PRKAR1B: variants seen among roughly 807,000 people sequenced by gnomAD.
PRKAR1B encodes the protein cAMP-dependent protein kinase type I-beta regulatory subunit.
A neutral mutation model predicts 46.5 loss-of-function variants in PRKAR1B; 22 were observed. That is an observed-to-expected ratio of 0.47 (90% CI 0.34 to 0.68). The LOEUF (loss-of-function observed/expected upper bound fraction) is 0.68, where lower values mean the gene tolerates loss of function less well. Among genes scored for constraint, PRKAR1B ranks in the 30% least tolerant of loss-of-function variants. PRKAR1B has a pLI of 0.01. For missense variants in PRKAR1B, 445 were observed against 535.6 expected, an observed-to-expected ratio of 0.83 and a Z score of 1.67; for synonymous variants, 259 against 217.7, an observed-to-expected ratio of 1.19 and a Z score of -1.67.
chr7:622,923 G>A (rs989700906), intron 4 of PRKAR1B, among the ~76,000 whole-genome samples: 1 of 152,194 alleles, frequency 6.6e-6, no homozygotes, highest in Non-Finnish European at 1.5e-5. Flanking sequence ...TAGACATGCT[G>A]CCCTCGCTGG....
intron 2 of PRKAR1B, among the ~76,000 whole-genome samples, chr7:707,927 CAG>C (rs1780418557): frequency 6.7e-6 from 1 of 150,362 alleles, no homozygotes; most frequent in African/African-American, 2.5e-5. Context: ...GGGGGAGACA[CAG>C]AACCTTCTCC....
At chr7:588,873 G>A (rs1194225701) in intron 7 of PRKAR1B, among the ~76,000 whole-genome samples, 1 of 41,804 alleles carries the variant, frequency 2.4e-5, no homozygotes, top group Non-Finnish European at 4.6e-5. Context: ...GGTGATGTTG[G>A]TGAGGATAGT....
At chr7:711,969 G>T (rs978490223) in intron 1 of PRKAR1B, among the ~76,000 whole-genome samples, 4 of 151,922 alleles carry the variant, frequency 2.6e-5, no homozygotes, top group African/African-American at 4.8e-5. Flanking sequence ...CCTCAGGGGA[G>T]GGGGAGATGA....
intron 1 of PRKAR1B, among the ~76,000 whole-genome samples, chr7:712,167 C>T (rs1036280274): frequency 5.3e-5 from 8 of 150,688 alleles, no homozygotes; most frequent in Non-Finnish European, 8.9e-5. Context: ...CAGCCCCCCG[C>T]CACGCCGCCC....
At chr7:654,645 T>C (rs887829115) in intron 4 of PRKAR1B, among the ~76,000 whole-genome samples, 8 of 151,284 alleles carry the variant, frequency 5.3e-5, no homozygotes, top group African/African-American at 1.5e-4. Flanking sequence ...ATCACCATCA[T>C]TGCCATTTTC....
intron 4 of PRKAR1B, among the ~76,000 whole-genome samples, chr7:611,428 A>G (rs761235148): frequency 5.7e-4 from 87 of 152,330 alleles, no homozygotes; most frequent in Non-Finnish European, 9.7e-4. Context: ...CTGGGTCAGG[A>G]CAGTTTCCAG....
intron 1 of PRKAR1B, among the ~76,000 whole-genome samples, chr7:718,332 A>G (rs866551022): frequency 3.9e-4 from 58 of 147,860 alleles, no homozygotes; most frequent in Middle Eastern, 3.6e-3. Context: ...GTATGTATGT[A>G]TATATATATA....
intron 4 of PRKAR1B, among the ~76,000 whole-genome samples, chr7:673,593 G>A (rs1052696106): frequency 6.6e-6 from 1 of 151,034 alleles, no homozygotes; most frequent in Non-Finnish European, 1.5e-5. Flanking sequence ...AGCTTGCAGT[G>A]AGCCGAGATC....
chr7:700,120 T>C (rs1481979236), intron 2 of PRKAR1B, among the ~76,000 whole-genome samples: 1 of 151,734 alleles, frequency 6.6e-6, no homozygotes, highest in Non-Finnish European at 1.5e-5. Context: ...CTGATACGAG[T>C]GTGAGGTTCA....
intron 2 of PRKAR1B, among the ~76,000 whole-genome samples, chr7:705,887 G>A (rs936532227): frequency 7.9e-5 from 12 of 152,050 alleles, no homozygotes; most frequent in Non-Finnish European, 1.3e-4. Flanking sequence ...TTAGCCGGGC[G>A]TGGTGGCAGG....
At chr7:695,105 G>T (rs1692450100) in intron 2 of PRKAR1B, among the ~76,000 whole-genome samples, 1 of 151,996 alleles carries the variant, frequency 6.6e-6, no homozygotes, top group Non-Finnish European at 1.5e-5. Context: ...AGTCGGGACA[G>T]AAGTCGGAGC....
chr7:727,505 C>T (rs1781384865), upstream of PRKAR1B: 2 of 307,164 alleles, frequency 6.5e-6, no homozygotes, highest in East Asian at 5.1e-5. Context: ...CCGGCCCCCT[C>T]CTCCCACCAC....
At chr7:578,645 G>A (rs186177719) in intron 9 of PRKAR1B, among the ~76,000 whole-genome samples, 92 of 150,874 alleles carry the variant, frequency 6.1e-4, no homozygotes, top group African/African-American at 1.4e-3. Flanking sequence ...ACCCTCGCAC[G>A]CCCTGTGTGC....
In PRKAR1B at chr7:671,490, G is replaced by A. The variant is rs187260340; in HGVS notation, c.440+5739C>T. ...TGCTTTTGTTTTCAGACAGGATCTC[G>A]CTCTGTTGCCCAGGCTAGAGTGTAG... On this transcript the variant is annotated intron_variant, in intron 4 of 10. Transcript: ENST00000537384. Among the ~76,000 whole-genome samples, 11 of 152,200 alleles carry A rather than the reference G, an allele frequency of 7.2e-5. 1 individual carries two copies. The East Asian group carries it at 9.7e-4, about 13-fold the overall frequency.
intron 4 of PRKAR1B, among the ~76,000 whole-genome samples, chr7:673,045 T>TGAAAAAAAACAAAA (rs1786354482): frequency 3.8e-5 from 1 of 26,544 alleles, no homozygotes. Flanking sequence ...GCCTTGTCTT[T>TGAAAAAAAACAAAA]AAAAAAAAAA....
At chr7:592,293 G>A (rs890490824) in intron 7 of PRKAR1B, among the ~76,000 whole-genome samples, 1 of 152,240 alleles carries the variant, frequency 6.6e-6, no homozygotes, top group Non-Finnish European at 1.5e-5. Context: ...GAGGCTCGGG[G>A]ACCCTCCGTG....
intron 4 of PRKAR1B, among the ~76,000 whole-genome samples, chr7:617,311 T>C (rs1782882504): frequency 6.6e-6 from 1 of 150,966 alleles, no homozygotes; most frequent in Non-Finnish European, 1.5e-5. Flanking sequence ...TTTTTTTTTT[T>C]TTTTTTTTAA....
intron 4 of PRKAR1B, among the ~76,000 whole-genome samples, chr7:658,708 T>C (rs1257445155): frequency 6.6e-6 from 1 of 152,156 alleles, no homozygotes; most frequent in African/African-American, 2.4e-5. Flanking sequence ...TGGAGTGCAG[T>C]GGTGCATTCT....
In PRKAR1B at chr7:550,516, G is replaced by C; in HGVS notation, c.1060C>G (p.Arg354Gly). The change falls in exon 11 of 11, where the codon CGC (arginine) becomes GGC (glycine). Residue 354 changes from arginine to glycine, a missense_variant. Physicochemically the swap from Arg to Gly is moderately radical, Grantham distance 125. Coordinates refer to ENST00000537384, the MANE Select transcript of PRKAR1B (RefSeq NM_001164760.2). ...PLKCVKLDRP[R>G]FERVLGPCSE... ...CAGGGCCCCAGCACACGCTCGAAGC[G>C]GGGCCGGTCCAGCTTCACACACTTG... is the stretch of plus-strand genomic sequence containing the variant. 6.2e-7 allele frequency: 1 copy of C among 1,603,894 alleles called. No homozygotes were observed. Among genetic ancestry groups the C allele is most frequent in the Non-Finnish European group, 8.5e-7 (1 of 1,175,918 alleles).
Sources: allele counts gnomAD v4.1 joint callset (sites outside exome capture counted in the v4.1 genomes callset), GRCh38; gene constraint gnomAD v4.1.1; transcripts MANE v1.5; gene names NCBI Gene and HGNC (gene_info 2026-07-23, HGNC 2026-07-21).